BLM: variants seen among roughly 807,000 people sequenced by gnomAD.
BLM encodes the protein recQ-like DNA helicase BLM.
In BLM, 95 loss-of-function variants were observed where a neutral mutation model predicts 135.3. The observed-to-expected ratio is 0.70, with a 90% confidence interval of 0.59 to 0.83. The LOEUF (loss-of-function observed/expected upper bound fraction) is 0.83, where lower values mean the gene tolerates loss of function less well. Among genes scored for constraint, BLM ranks in the 40% least tolerant of loss-of-function variants. BLM has a pLI of 0.00. For missense variants in BLM, 1,518 were observed against 1,663.9 expected (o/e 0.91, Z 1.53); for synonymous variants, 520 against 589.2 (o/e 0.88, Z 1.70).
At chr15:90,722,039 CT>C (rs1894780503) in intron 1 of BLM, among the ~76,000 whole-genome samples, 1 of 151,886 alleles carries the variant, frequency 6.6e-6, no homozygotes, top group Admixed American at 6.6e-5. Context: ...AATCCCAGCA[CT>C]TTAGGAGGCT....
intron 17 of BLM, among the ~76,000 whole-genome samples, chr15:90,801,997 A>C (rs1897176413): frequency 1.3e-5 from 2 of 152,132 alleles, no homozygotes; most frequent in Non-Finnish European, 2.9e-5. Flanking sequence ...TCGAGGTGGC[A>C]GTGAGCTGTG....
intron 21 of BLM, among the ~76,000 whole-genome samples, chr15:90,812,720 T>TA (rs1428655690): frequency 6.6e-6 from 1 of 152,084 alleles, no homozygotes; most frequent in Non-Finnish European, 1.5e-5. Flanking sequence ...TTCTGAGTAA[T>TA]AAAAAACAAG....
At position 90,789,987 on chromosome 15, in the gene BLM, G is replaced by GTT. The variant is rs61059865; in HGVS notation, c.2824-627_2824-626dup. Among the ~76,000 whole-genome samples, 77 of 57,370 alleles carry GTT rather than the reference G, an allele frequency of 1.3e-3. 9 individuals are homozygous for GTT. Among genetic ancestry groups the GTT allele is most frequent in the East Asian group, 3.5e-3 (5 of 1,410 alleles). The allele number at this position is 57,370 out of a possible 152,430, so 37.6% of individuals were successfully genotyped here. ...AGGTCTAAGATCCGCAGTCCCTGGT[G>GTT]TTTTTTTTTTTTTTTTTTTTTTTTT... is the stretch of plus-strand genomic sequence containing the variant. On this transcript the variant is annotated intron_variant, in intron 14 of 21. Coordinates refer to ENST00000355112, the MANE Select transcript of BLM (RefSeq NM_000057.4).
At chr15:90,748,545 T>C (rs1446285649) in intron 2 of BLM, among the ~76,000 whole-genome samples, 1 of 152,186 alleles carries the variant, frequency 6.6e-6, no homozygotes, top group Non-Finnish European at 1.5e-5. Flanking sequence ...TTATAAGTGA[T>C]GCTTTTACCA....
At chr15:90,731,039 A>G (rs1895055688) in intron 1 of BLM, among the ~76,000 whole-genome samples, 1 of 151,990 alleles carries the variant, frequency 6.6e-6, no homozygotes, top group Non-Finnish European at 1.5e-5. Context: ...TTGATCTCCC[A>G]AGTCATCCTC....
At chr15:90,757,181 A>C (rs1895841832) in intron 5 of BLM, among the ~76,000 whole-genome samples, 1 of 152,220 alleles carries the variant, frequency 6.6e-6, no homozygotes, top group Admixed American at 6.5e-5. Flanking sequence ...CTTTGAATTT[A>C]CATCAAATCA....
chr15:90,786,816 T>C (rs1596253694), intron 14 of BLM, among the ~76,000 whole-genome samples: 1 of 151,946 alleles, frequency 6.6e-6, no homozygotes, highest in East Asian at 1.9e-4. Context: ...GGTTTCACCA[T>C]ATTGGCCAGG....
At chr15:90,731,810 T>A (rs543813515) in intron 1 of BLM, among the ~76,000 whole-genome samples, 107 of 152,110 alleles carry the variant, frequency 7.0e-4, no homozygotes, top group African/African-American at 2.5e-3. Context: ...CTCTTAAAAA[T>A]TTTTTTAAAA....
At chr15:90,800,153 A>G (rs1897130359) in intron 17 of BLM, among the ~76,000 whole-genome samples, 1 of 152,228 alleles carries the variant, frequency 6.6e-6, no homozygotes, top group Non-Finnish European at 1.5e-5. Context: ...TTTTTATGCC[A>G]CAGTGGCATA....
At chr15:90,746,068 A>G (rs1895494528) in intron 1 of BLM, among the ~76,000 whole-genome samples, 1 of 152,182 alleles carries the variant, frequency 6.6e-6, no homozygotes, top group South Asian at 2.1e-4. Context: ...ACAGATCAAG[A>G]CCCTGTCTCA....
At chr15:90,797,969 A>C (rs1285259240) in intron 16 of BLM, among the ~76,000 whole-genome samples, 2 of 152,160 alleles carry the variant, frequency 1.3e-5, no homozygotes, top group African/African-American at 2.4e-5. Flanking sequence ...GCTATCAGGT[A>C]GTTGAAAGAC....
intron 16 of BLM, among the ~76,000 whole-genome samples, chr15:90,795,659 G>A: frequency 6.6e-6 from 1 of 152,100 alleles, no homozygotes; most frequent in East Asian, 1.9e-4. Flanking sequence ...GTTGGGCTGT[G>A]TAACAGGCAC....
rs151150267 is a variant in BLM at position 90,760,260 on chromosome 15, C to T, written c.1201C>T (p.Leu401Phe). 3.4e-5 allele frequency: 55 copies of T among 1,614,106 alleles called. No individual in the cohort carries two copies. The highest frequency in any genetic ancestry group is 4.2e-5 in the Non-Finnish European group (49 of 1,180,004). The change falls in exon 6 of 22, where the codon CTT becomes TTT. Residue 401 changes from leucine (L) to phenylalanine (F), a missense_variant. This residue lies in a region of BLM where 724 missense variants were observed against 756.9 expected (regional missense o/e 0.96). Transcript: ENST00000355112. ...ACTTTTGGATTGTGGGAACGAACTG[C>T]TTCAGCAGCGGAACATAAGGTATCT... is the stretch of plus-strand genomic sequence containing the variant. The part of the protein sequence containing the change: ...LKLLDCGNEL[L>F]QQRNIRRKLL...
chr15:90,774,975 A>T lies in BLM; in HGVS notation c.2555+5389A>T, dbSNP rs527878325. Reference sequence around the variant, plus strand: ...AATGTTTGGACTTTATTCTTTTGGCACTTTAACCTGGGAAGTGGCTTGATC... The same window carrying T: ...AATGTTTGGACTTTATTCTTTTGGCTCTTTAACCTGGGAAGTGGCTTGATC... On this transcript the variant is annotated intron_variant, in intron 12 of 21. Transcript: ENST00000355112. 2.0e-5 allele frequency among the ~76,000 whole-genome samples: 3 copies of T among 152,280 alleles called. No homozygotes were observed. In the South Asian group the frequency reaches 6.2e-4, roughly 32 times the overall value.
At chr15:90,787,036 C>CTTTTTTTT (rs11366266) in intron 14 of BLM, among the ~76,000 whole-genome samples, 1 of 57,962 alleles carries the variant, frequency 1.7e-5, no homozygotes, top group African/African-American at 8.5e-5. Flanking sequence ...TTAGGCATCT[C>CTTTTTTTT]TTTTTTTTTT....
chr15:90,788,054 G>A (rs1216891284), intron 14 of BLM, among the ~76,000 whole-genome samples: 2 of 152,060 alleles, frequency 1.3e-5, no homozygotes, highest in African/African-American at 4.8e-5. Context: ...AGTCTCAGTG[G>A]AGACAATAGA....
chr15:90,786,978 A>G (rs1215021509), intron 14 of BLM, among the ~76,000 whole-genome samples: 1 of 145,544 alleles, frequency 6.9e-6, no homozygotes, highest in African/African-American at 2.5e-5. Flanking sequence ...TTCCGAGATG[A>G]GAAATTTGCC....
At chr15:90,756,764 A>G (rs979349259) in intron 5 of BLM, among the ~76,000 whole-genome samples, 3 of 152,206 alleles carry the variant, frequency 2.0e-5, no homozygotes, top group African/African-American at 4.8e-5. Context: ...AGACTTGACT[A>G]TGTGACTCCA....
chr15:90,740,950 C>G (rs531110460), intron 1 of BLM, among the ~76,000 whole-genome samples: 17 of 152,266 alleles, frequency 1.1e-4, no homozygotes, highest in Admixed American at 5.2e-4. Context: ...TCAGGTGTTT[C>G]TTCATAGCAG....
Sources: allele counts gnomAD v4.1 joint callset (sites outside exome capture counted in the v4.1 genomes callset), GRCh38; gene constraint gnomAD v4.1.1; regional missense constraint gnomAD v4.1.1; transcripts MANE v1.5; gene names NCBI Gene and HGNC (gene_info 2026-07-23, HGNC 2026-07-21).